SRPK2: variants seen among roughly 807,000 people sequenced by gnomAD.
SRPK2 encodes SRSF protein kinase 2.
SRPK2 carries 21 observed loss-of-function variants against 90.8 expected under a neutral mutation model. That is an observed-to-expected ratio of 0.23 (90% CI 0.16 to 0.33). SRPK2 has a LOEUF of 0.33. Among genes scored for constraint, SRPK2 ranks in the 10% least tolerant of loss-of-function variants. The pLI, the probability that SRPK2 is intolerant of heterozygous loss-of-function variation, is 1.00. For synonymous variants in SRPK2, 288 were observed against 311.1 expected (o/e 0.93, Z 0.78); for missense variants, 620 against 869.0 (o/e 0.71, Z 3.60).
chr7:105,345,913 G>A (rs1816396719), intron 2 of SRPK2, among the ~76,000 whole-genome samples: 1 of 152,214 alleles, frequency 6.6e-6, no homozygotes, highest in Non-Finnish European at 1.5e-5. Context: ...TATGATACTG[G>A]ACATCACAGA....
chr7:105,357,596 T>C (rs978838555), intron 2 of SRPK2, among the ~76,000 whole-genome samples: 3 of 151,754 alleles, frequency 2.0e-5, no homozygotes, highest in Non-Finnish European at 4.4e-5. Flanking sequence ...ATACAAAAAA[T>C]AGCCGGGTGC....
chr7:105,253,472 T>G (rs199841315), intron 2 of SRPK2, among the ~76,000 whole-genome samples: 1 of 152,232 alleles, frequency 6.6e-6, no homozygotes, highest in East Asian at 1.9e-4. Flanking sequence ...GACCTTTCTT[T>G]GCCACCTGGT....
At position 105,168,214 on chromosome 7, in the gene SRPK2, A is replaced by G. The variant is rs745841286; in HGVS notation, c.339-119T>C. 2.3e-4 allele frequency: 179 copies of G among 767,704 alleles called. 1 individual carries two copies. The highest frequency in any genetic ancestry group is 4.2e-4 in the Admixed American group (15 of 36,136). The allele number at this position is 767,704 out of a possible 1,614,324, so 47.6% of individuals were successfully genotyped here. A position where few individuals can be genotyped will look rare whatever the true frequency, so the allele number is the denominator to read the frequency against. On this transcript the variant is annotated intron_variant, in intron 4 of 15. Coordinates refer to ENST00000393651, the MANE Select transcript of SRPK2 (RefSeq NM_182692.3). ...TAAAATCCAAAATGCGCCAAAACCT[A>G]AAACATTATGAGTGTGTCAACACGA...
rs533220373 is a variant in SRPK2, at chr7:105,339,596, T to C, written c.71+49052A>G. Among the ~76,000 whole-genome samples the C allele has an allele frequency of 2.0e-5, 3 of 152,374 alleles. No individual in the cohort carries two copies. The South Asian group carries it at 6.2e-4, about 32-fold the overall frequency. Reference sequence around the variant, plus strand: ...ATGGCATCTCTCCAAGTATGGGCCATGAACTCCTGTGATCCCTGAGAATAC... The same window carrying C: ...ATGGCATCTCTCCAAGTATGGGCCACGAACTCCTGTGATCCCTGAGAATAC... On this transcript the variant is annotated intron_variant, in intron 2 of 15. Coordinates refer to ENST00000393651, the MANE Select transcript of SRPK2 (RefSeq NM_182692.3).
intron 4 of SRPK2, among the ~76,000 whole-genome samples, 198 bp from the exon 5 acceptor site, chr7:105,168,293 TGCATGTTGC>T (rs1790347453): frequency 6.6e-6 from 1 of 152,226 alleles, no homozygotes; most frequent in African/African-American, 2.4e-5. Context: ...GTAAAAGATT[TGCATGTTGC>T]ACAAGATTAT....
chr7:105,227,866 G>C lies in SRPK2; in HGVS notation c.72-24081C>G, dbSNP rs78181576. Reference sequence around the variant, plus strand: ...GATGAACAGATAAACCAAATGTAGTGTATCCACAAAACAGAGTATCATTCA... The same window carrying C: ...GATGAACAGATAAACCAAATGTAGTCTATCCACAAAACAGAGTATCATTCA... On this transcript the variant is annotated intron_variant, in intron 2 of 15. Transcript: ENST00000393651. 3.7e-3 allele frequency among the ~76,000 whole-genome samples: 456 copies of C among 124,264 alleles called. 1 individual carries two copies. The highest frequency in any genetic ancestry group is 0.013 in the African/African-American group (429 of 33,094). The allele number at this position is 124,264 out of a possible 152,430, so 81.5% of individuals were successfully genotyped here.
At chr7:105,118,465 T>C (rs79902071) in intron 15 of SRPK2, among the ~76,000 whole-genome samples, 2,389 of 152,318 alleles carry the variant, frequency 0.016, 64 homozygotes, top group African/African-American at 0.053. Context: ...TTTGTAAACC[T>C]TGAAGTTATA....
intron 3 of SRPK2, among the ~76,000 whole-genome samples, chr7:105,174,014 G>T (rs1191463045): frequency 6.7e-6 from 1 of 149,988 alleles, no homozygotes; most frequent in East Asian, 1.9e-4. Flanking sequence ...GAAGGCTGAG[G>T]CAGGTGGATT....
intron 2 of SRPK2, among the ~76,000 whole-genome samples, chr7:105,349,522 CAA>C (rs572686995): frequency 2.4e-4 from 21 of 88,846 alleles, no homozygotes; most frequent in Admixed American, 3.5e-4. Flanking sequence ...AACTCCATCT[CAA>C]AAAAAAAAAA....
chr7:105,312,072 AAAAT>A (rs1375988276), intron 2 of SRPK2, among the ~76,000 whole-genome samples: 3 of 152,362 alleles, frequency 2.0e-5, no homozygotes, highest in East Asian at 3.9e-4. Context: ...ACTGAGGACA[AAAAT>A]AAATAAAAAT....
chr7:105,342,380 A>G (rs1177316481), intron 2 of SRPK2, among the ~76,000 whole-genome samples: 1 of 151,134 alleles, frequency 6.6e-6, no homozygotes, highest in African/African-American at 2.4e-5. Flanking sequence ...AAAAATATAA[A>G]TGGGAAATGT....
chr7:105,388,546 CGCCCGCCG>C lies in SRPK2; in HGVS notation c.71+94_71+101del, dbSNP rs1457495233. 3 of 1,086,892 alleles carry C rather than the reference CGCCCGCCG, an allele frequency of 2.8e-6. No individual in the cohort carries two copies. In the Admixed American group the frequency reaches 8.8e-5, roughly 32 times the overall value. The allele number at this position is 1,086,892 out of a possible 1,614,324, so 67.3% of individuals were successfully genotyped here. The stretch of plus-strand genomic sequence containing the variant: ...GCGCCAGCGTCCCGGGGGACCAGCC[CGCCCGCCG>C]GCCCGGGGACCCGGACAACTTTCCC... On this transcript the variant is annotated intron_variant, in intron 2 of 15. Coordinates refer to ENST00000393651, the MANE Select transcript of SRPK2 (RefSeq NM_182692.3).
rs201186770 is a variant in SRPK2 at position 105,367,068 on chromosome 7, T to G, written c.71+21580A>C. On this transcript the variant is annotated intron_variant, in intron 2 of 15. Coordinates refer to ENST00000393651, the MANE Select transcript of SRPK2 (RefSeq NM_182692.3). The stretch of plus-strand genomic sequence containing the variant: ...AAATATGAGATCACCTTTTTTTTTG[T>G]TTTTTTTTTTGTTTGTTTGTTTGTT... 2.9e-3 allele frequency among the ~76,000 whole-genome samples: 290 copies of G among 99,586 alleles called. 1 individual carries two copies. The highest frequency in any genetic ancestry group is 0.011 in the African/African-American group (274 of 25,652). The allele number at this position is 99,586 out of a possible 152,430, so 65.3% of individuals were successfully genotyped here.
At chr7:105,254,109 C>T (rs1172590325) in intron 2 of SRPK2, among the ~76,000 whole-genome samples, 1 of 152,188 alleles carries the variant, frequency 6.6e-6, no homozygotes, top group Non-Finnish European at 1.5e-5. Flanking sequence ...AAATGCTTGA[C>T]TGAATATAAG....
At chr7:105,263,979 T>C (rs1455454474) in intron 2 of SRPK2, among the ~76,000 whole-genome samples, 2 of 152,010 alleles carry the variant, frequency 1.3e-5, no homozygotes, top group South Asian at 2.1e-4. Flanking sequence ...AGAGCAGGAG[T>C]TGGAAAAGGG....
chr7:105,255,327 G>C (rs1325286582), intron 2 of SRPK2, among the ~76,000 whole-genome samples: 1 of 151,638 alleles, frequency 6.6e-6, no homozygotes, highest in Non-Finnish European at 1.5e-5. Context: ...CCGTATCTGC[G>C]TGTGCATCTG....
chr7:105,134,160 C>T (rs1481663486), intron 11 of SRPK2, among the ~76,000 whole-genome samples: 2 of 152,130 alleles, frequency 1.3e-5, no homozygotes, highest in Non-Finnish European at 2.9e-5. Flanking sequence ...ACATTAAACA[C>T]TGATATGATT....
At chr7:105,256,209 G>C (rs998339404) in intron 2 of SRPK2, among the ~76,000 whole-genome samples, 4 of 152,154 alleles carry the variant, frequency 2.6e-5, no homozygotes, top group African/African-American at 9.7e-5. Flanking sequence ...CAAGTCTGTG[G>C]CTCACAAATT....
At chr7:105,259,043 C>T (rs6973338) in intron 2 of SRPK2, among the ~76,000 whole-genome samples, 65,773 of 151,964 alleles carry the variant, frequency 0.43, 15,610 homozygotes, top group South Asian at 0.53. Context: ...CCAGGGCAGT[C>T]AGGCAGGAAA....
Sources: allele counts gnomAD v4.1 joint callset (sites outside exome capture counted in the v4.1 genomes callset), GRCh38; gene constraint gnomAD v4.1.1; transcripts MANE v1.5; gene names NCBI Gene and HGNC (gene_info 2026-07-23, HGNC 2026-07-21).